The following CUL1 variants were observed in gnomAD, a reference collection of about 807,000 sequenced individuals.
CUL1 encodes cullin 1.
A neutral mutation model predicts 118.0 loss-of-function variants in CUL1; 24 were observed. The ratio of observed to expected loss-of-function variants is 0.20; its 90% CI spans 0.15 to 0.29. The LOEUF is 0.29. Ranked by LOEUF, CUL1 falls within the 10% of genes least tolerant of loss-of-function variation. The pLI, the probability that CUL1 is intolerant of heterozygous loss-of-function variation, is 1.00. For synonymous variants in CUL1, 332 were observed against 340.4 expected (o/e 0.98, Z 0.27); for missense variants, 361 against 933.8 (o/e 0.39, Z 7.99).
Position 148,772,985 on chromosome 7 carries a change from C to T in CUL1, c.1083+5236C>T, listed in dbSNP as rs1031466487. Among the ~76,000 whole-genome samples the T allele has an allele frequency of 2.0e-5, 3 of 152,026 alleles. No homozygotes were observed. In the South Asian group the frequency reaches 6.2e-4, roughly 32 times the overall value. ...TTACTGTTTTCTATGCATTTTCTCT[C>T]CAGTCCCAAGGCTACCATCTTAATC... On this transcript the variant is annotated intron_variant, in intron 9 of 21. Coordinates refer to ENST00000325222, the MANE Select transcript of CUL1 (RefSeq NM_003592.3).
chr7:148,725,285 G>A (rs536425938), intron 1 of CUL1, among the ~76,000 whole-genome samples: 143 of 151,466 alleles, frequency 9.4e-4, no homozygotes, highest in African/African-American at 3.3e-3. Flanking sequence ...CATTGCCTGA[G>A]CCTCTTGTAT....
intron 1 of CUL1, among the ~76,000 whole-genome samples, chr7:148,699,536 C>T (rs2129458667): frequency 6.6e-6 from 1 of 152,254 alleles, no homozygotes; most frequent in African/African-American, 2.4e-5. Context: ...GCGTGTTCCC[C>T]TGTGAGCTCT....
intron 6 of CUL1, 49 bp downstream of exon 6, chr7:148,759,687 A>G (rs372541499): frequency 1.5e-5 from 14 of 965,330 alleles, no homozygotes; most frequent in South Asian, 9.3e-5. Flanking sequence ...TCAAATGGCA[A>G]TTACAACAAT....
intron 3 of CUL1, among the ~76,000 whole-genome samples, chr7:148,754,833 A>G (rs1288837657): frequency 6.6e-6 from 1 of 151,708 alleles, no homozygotes; most frequent in Non-Finnish European, 1.5e-5. Context: ...TGCAGCCTCC[A>G]ACTCCTGGGA....
At chr7:148,744,626 A>G (rs1425754867) in intron 2 of CUL1, among the ~76,000 whole-genome samples, 1 of 152,112 alleles carries the variant, frequency 6.6e-6, no homozygotes, top group Non-Finnish European at 1.5e-5. Context: ...CCACAAGACG[A>G]TATTATAAAT....
intron 20 of CUL1, among the ~76,000 whole-genome samples, chr7:148,799,014 A>T (rs1255630563): frequency 6.6e-6 from 1 of 151,922 alleles, no homozygotes; most frequent in Non-Finnish European, 1.5e-5. Flanking sequence ...CTTTTTTTTA[A>T]TGCTTTATGG....
At chr7:148,786,016 C>A (rs1368615470) in intron 11 of CUL1, among the ~76,000 whole-genome samples, 1 of 152,138 alleles carries the variant, frequency 6.6e-6, no homozygotes, top group African/African-American at 2.4e-5. Context: ...AATTCATCTA[C>A]CTTTAATTCA....
intron 9 of CUL1, among the ~76,000 whole-genome samples, chr7:148,772,564 G>A (rs1326870268): frequency 2.0e-5 from 3 of 152,150 alleles, no homozygotes; most frequent in African/African-American, 4.8e-5. Flanking sequence ...AACTGAAATC[G>A]TTGTTTCATT....
chr7:148,759,727 T>C, intron 6 of CUL1, 89 bp downstream of exon 6: 1 of 603,988 alleles, frequency 1.7e-6, no homozygotes, highest in Admixed American at 3.5e-5. Flanking sequence ...TTAAAATATT[T>C]TAATATTATA....
At chr7:148,721,310 C>T (rs1410994973) in intron 1 of CUL1, among the ~76,000 whole-genome samples, 3 of 152,200 alleles carry the variant, frequency 2.0e-5, no homozygotes, top group African/African-American at 4.8e-5. Context: ...CCAAACCCAT[C>T]GTTACCCCAC....
At chr7:148,708,705 T>TA (rs1046068541) in intron 1 of CUL1, among the ~76,000 whole-genome samples, 4 of 152,210 alleles carry the variant, frequency 2.6e-5, no homozygotes, top group African/African-American at 4.8e-5. Flanking sequence ...ACATGCTTTT[T>TA]AAAAAAACTG....
intron 16 of CUL1, among the ~76,000 whole-genome samples, chr7:148,791,018 T>C (rs1396232769): frequency 6.6e-6 from 1 of 152,200 alleles, no homozygotes; most frequent in East Asian, 1.9e-4. Context: ...GTTAAAGTCT[T>C]TTCTCTTAAA....
chr7:148,769,684 A>G (rs1410890230), intron 9 of CUL1, among the ~76,000 whole-genome samples: 1 of 152,200 alleles, frequency 6.6e-6, no homozygotes, highest in African/African-American at 2.4e-5. Context: ...TATACTAGGT[A>G]TGAGATTGGC....
chr7:148,725,294 A>G (rs1436468568), intron 1 of CUL1, among the ~76,000 whole-genome samples: 4 of 151,736 alleles, frequency 2.6e-5, no homozygotes, highest in Admixed American at 2.0e-4. Context: ...AGCCTCTTGT[A>G]TCCATTGGAG....
chr7:148,790,734 T>C (rs531413932), intron 16 of CUL1, among the ~76,000 whole-genome samples: 109 of 152,304 alleles, frequency 7.2e-4, no homozygotes, highest in African/African-American at 2.4e-3. Flanking sequence ...ATTTAGTAAG[T>C]GTTTGGCACC....
intron 1 of CUL1, among the ~76,000 whole-genome samples, chr7:148,710,153 A>G (rs760827155): frequency 2.6e-5 from 4 of 152,220 alleles, no homozygotes; most frequent in African/African-American, 9.6e-5. Context: ...CCCCTTAGCA[A>G]TAACCTCCAA....
chr7:148,733,310 T>C (rs1199066742), intron 2 of CUL1, among the ~76,000 whole-genome samples: 1 of 152,212 alleles, frequency 6.6e-6, no homozygotes, highest in African/African-American at 2.4e-5. Flanking sequence ...GTTTATTAAT[T>C]GTTGAAAATC....
intron 1 of CUL1, among the ~76,000 whole-genome samples, chr7:148,699,776 G>A (rs1179725299): frequency 6.6e-6 from 1 of 152,064 alleles, no homozygotes; most frequent in African/African-American, 2.4e-5. Context: ...CCTATCGCTC[G>A]CTAGTCGGGC....
intron 1 of CUL1, among the ~76,000 whole-genome samples, chr7:148,708,792 G>A (rs1304087940): frequency 6.6e-6 from 1 of 152,180 alleles, no homozygotes; most frequent in Non-Finnish European, 1.5e-5. Context: ...TCTTCAAACT[G>A]GGAATGTGAT....
Sources: allele counts gnomAD v4.1 joint callset (sites outside exome capture counted in the v4.1 genomes callset), GRCh38; gene constraint gnomAD v4.1.1; transcripts MANE v1.5; gene names NCBI Gene and HGNC (gene_info 2026-07-23, HGNC 2026-07-21).